Variants in DNAAF11 observed in about 807,000 individuals in gnomAD.
DNAAF11 encodes dynein axonemal assembly factor 11.
In DNAAF11, 45 loss-of-function variants were observed where a neutral mutation model predicts 60.8. That is an observed-to-expected ratio of 0.74 (90% CI 0.58 to 0.95). The LOEUF is 0.95. Ranked by LOEUF, DNAAF11 falls within the 40% of genes least tolerant of loss-of-function variation. The pLI, the probability that DNAAF11 is intolerant of heterozygous loss-of-function variation, is 0.00. For synonymous variants in DNAAF11, 191 were observed against 183.5 expected, an observed-to-expected ratio of 1.04 and a Z score of -0.33; for missense variants, 546 against 546.2, an observed-to-expected ratio of 1.00 and a Z score of 0.00.
chr8:132,583,020 C>T (rs189864470), intron 11 of DNAAF11, among the ~76,000 whole-genome samples: 27 of 152,216 alleles, frequency 1.8e-4, no homozygotes, highest in African/African-American at 6.3e-4. Context: ...GAGCCTGGAC[C>T]TTCATTTAGG....
intron 2 of DNAAF11, among the ~76,000 whole-genome samples, chr8:132,658,686 A>G (rs1823834197): frequency 6.6e-6 from 1 of 152,184 alleles, no homozygotes; most frequent in African/African-American, 2.4e-5. Context: ...AAAATACTTT[A>G]TTATTGTTAA....
chr8:132,610,130 T>A lies in DNAAF11; in HGVS notation c.1140+36A>T, dbSNP rs748757689. ...TCAAGTTCCTTCAGGAACCCTCATA[T>A]CCAGACTTGAAATTGACCCAAATGA... On this transcript the variant is annotated intron_variant, in intron 10 of 11. Transcript: ENST00000620350. 5.8e-5 allele frequency: 86 copies of A among 1,481,366 alleles called. 1 individual carries two copies. The South Asian group carries it at 9.5e-4, about 16-fold the overall frequency. 91.8% of individuals were successfully genotyped at this position (1,481,366 alleles called of 1,614,324 possible). A position where few individuals can be genotyped will look rare whatever the true frequency, so the allele number is the denominator to read the frequency against.
chr8:132,635,817 C>T (rs374679761), intron 4 of DNAAF11, among the ~76,000 whole-genome samples: 2 of 152,080 alleles, frequency 1.3e-5, no homozygotes, highest in East Asian at 1.9e-4. Flanking sequence ...AGCAGGTGGG[C>T]CCCAAGCCAA....
intron 10 of DNAAF11, among the ~76,000 whole-genome samples, chr8:132,609,757 A>C (rs2357513): frequency 0.16 from 24,099 of 152,064 alleles, 2,978 homozygotes; most frequent in African/African-American, 0.34. Context: ...TTCTTCGACC[A>C]CCTATTCCCC....
chr8:132,648,201 C>G (rs916313356), intron 3 of DNAAF11, among the ~76,000 whole-genome samples: 1 of 152,096 alleles, frequency 6.6e-6, no homozygotes, highest in Admixed American at 6.6e-5. Context: ...AAGGCTGGTT[C>G]AACATATGCA....
intron 2 of DNAAF11, 92 bp downstream of exon 2, chr8:132,661,368 A>C (rs1824113499): frequency 5.7e-6 from 6 of 1,053,104 alleles, no homozygotes; most frequent in South Asian, 1.7e-5. Context: ...TTTTTTTTTC[A>C]GTGATTGTCT....
chr8:132,685,603 C>A, the DNAAF11 span, among the ~76,000 whole-genome samples: 1 of 152,202 alleles, frequency 6.6e-6, no homozygotes, highest in Non-Finnish European at 1.5e-5. Context: ...TTCTGTCACA[C>A]AGCTCTGTTA....
At chr8:132,701,708 C>G in the DNAAF11 span, among the ~76,000 whole-genome samples, 1 of 152,238 alleles carries the variant, frequency 6.6e-6, no homozygotes, top group South Asian at 2.1e-4. Flanking sequence ...GTGTGGCCAT[C>G]TTGCCCCCAG....
the DNAAF11 span, among the ~76,000 whole-genome samples, chr8:132,701,797 G>A: frequency 1.3e-5 from 2 of 152,174 alleles, no homozygotes; most frequent in Non-Finnish European, 2.9e-5. Flanking sequence ...CATAGCAGGG[G>A]GTTGAGCCTG....
Position 132,611,313 on chromosome 8 carries a change from C to T in DNAAF11, c.1025G>A (p.Arg342Gln), listed in dbSNP as rs747724152. The stretch of plus-strand genomic sequence containing the variant: ...ACTTACCTTTCCTTTGATCATTACT[C>T]GCACGTAAGTTGGTTGCACATCAAC... ...IDVDVQPTYVRVMIKGKPFQL... is the reference protein window; with the variant it reads ...IDVDVQPTYVQVMIKGKPFQL... Residue 342 changes from arginine (R) to glutamine (Q), a missense_variant, in exon 9 of 12, where the codon CGA becomes CAA. Coordinates refer to ENST00000620350, the MANE Select transcript of DNAAF11 (RefSeq NM_012472.6). The T allele has an allele frequency of 1.9e-6, 3 of 1,611,872 alleles. No homozygotes were observed. Among genetic ancestry groups the T allele is most frequent in the Admixed American group, 1.7e-5 (1 of 59,980 alleles).
intron 4 of DNAAF11, among the ~76,000 whole-genome samples, chr8:132,635,477 C>T (rs1821202206): frequency 6.6e-6 from 1 of 152,182 alleles, no homozygotes; most frequent in African/African-American, 2.4e-5. Flanking sequence ...GCTAACAAAT[C>T]TGTTTCCCAC....
intron 3 of DNAAF11, among the ~76,000 whole-genome samples, chr8:132,649,665 T>C (rs1407141393): frequency 6.6e-6 from 1 of 151,892 alleles, no homozygotes; most frequent in Non-Finnish European, 1.5e-5. Flanking sequence ...TTAAAGAAAT[T>C]CACAAGAAAA....
chr8:132,698,685 T>C, the DNAAF11 span, among the ~76,000 whole-genome samples: 1 of 152,148 alleles, frequency 6.6e-6, no homozygotes, highest in East Asian at 1.9e-4. Context: ...AAGCAATTAC[T>C]TATTTCTGGA....
chr8:132,583,658 T>C (rs1815566291), intron 11 of DNAAF11, 36 bp downstream of exon 11: 1 of 1,519,390 alleles, frequency 6.6e-7, no homozygotes. Flanking sequence ...AAGAGAACAA[T>C]ATAATACAGC....
In DNAAF11 at chr8:132,580,219, A is replaced by G. The variant is rs1354766144; in HGVS notation, c.1226+3475T>C. ...AACGCTTCCCTCTGGACTTAGCAGA[A>G]CAACAAAGATGCTGCCCTCACTCCA... is the stretch of plus-strand genomic sequence containing the variant. On this transcript the variant is annotated intron_variant, in intron 11 of 11. Coordinates refer to ENST00000620350, the MANE Select transcript of DNAAF11 (RefSeq NM_012472.6). Among the ~76,000 whole-genome samples the G allele has an allele frequency of 2.6e-5, 4 of 152,318 alleles. No homozygotes were observed. The East Asian group carries it at 7.7e-4, about 29-fold the overall frequency.
At chr8:132,577,365 T>G (rs1298936290) in intron 11 of DNAAF11, among the ~76,000 whole-genome samples, 1 of 152,188 alleles carries the variant, frequency 6.6e-6, no homozygotes, top group Non-Finnish European at 1.5e-5. Context: ...TAATAAAACA[T>G]CCTACATTTT....
At chr8:132,606,659 C>G (rs1246327781) in intron 10 of DNAAF11, among the ~76,000 whole-genome samples, 1 of 149,216 alleles carries the variant, frequency 6.7e-6, no homozygotes, top group African/African-American at 2.6e-5. Flanking sequence ...GCATGAGCCA[C>G]AGTTCCTGGC....
intron 10 of DNAAF11, among the ~76,000 whole-genome samples, chr8:132,600,505 G>A (rs150434107): frequency 0.13 from 19,016 of 152,076 alleles, 1,428 homozygotes; most frequent in East Asian, 0.24. Flanking sequence ...GAGGCATCAC[G>A]CTACCTGACT....
At chr8:132,627,444 G>A (rs1820388630) in intron 5 of DNAAF11, among the ~76,000 whole-genome samples, 1 of 152,124 alleles carries the variant, frequency 6.6e-6, no homozygotes, top group Non-Finnish European at 1.5e-5. Flanking sequence ...TTCAACCATT[G>A]CCTTCAAACC....
Sources: gnomAD v4.1 joint callset for allele counts (sites outside exome capture counted in the v4.1 genomes callset) on GRCh38, gnomAD v4.1.1 for gene constraint, MANE v1.5 for transcripts, NCBI Gene and HGNC (gene_info 2026-07-23, HGNC 2026-07-21) for gene names.